The following PLXDC1 variants were observed in gnomAD, a reference collection of about 807,000 sequenced individuals.
PLXDC1 encodes the protein plexin domain containing 1, also known as plexin domain-containing protein 1.
Under a neutral mutation model 61.3 loss-of-function variants are expected in PLXDC1, and 39 were observed. The observed-to-expected ratio is 0.64, with a 90% CI of 0.49 to 0.83. PLXDC1 has a LOEUF of 0.83. PLXDC1 is among the 40% of genes least tolerant of loss of function. PLXDC1 has a pLI of 0.00. For synonymous variants in PLXDC1, 212 were observed against 254.5 expected, an observed-to-expected ratio of 0.83 and a Z score of 1.59; for missense variants, 596 against 666.5, an observed-to-expected ratio of 0.89 and a Z score of 1.17.
At chr17:39,150,328 A>G (rs532399988) in intron 1 of PLXDC1, among the ~76,000 whole-genome samples, 4 of 152,058 alleles carry the variant, frequency 2.6e-5, no homozygotes, top group Admixed American at 6.5e-5. Context: ...AGTCAAGAAC[A>G]TTGCCACTGA....
intron 3 of PLXDC1, 94 bp downstream of exon 3, chr17:39,109,154 C>T: frequency 1.3e-6 from 2 of 1,492,794 alleles, no homozygotes; most frequent in African/African-American, 1.4e-5. Flanking sequence ...AGGTCACAGA[C>T]CTCGGGCCAC....
chr17:39,085,981 A>G (rs1567756560), intron 8 of PLXDC1, among the ~76,000 whole-genome samples: 2 of 152,024 alleles, frequency 1.3e-5, no homozygotes, highest in African/African-American at 2.4e-5. Flanking sequence ...ACACCTACTG[A>G]CCTTTATTTC....
intron 2 of PLXDC1, among the ~76,000 whole-genome samples, chr17:39,136,220 T>C (rs1005383848): frequency 2.0e-5 from 3 of 152,108 alleles, no homozygotes; most frequent in Non-Finnish European, 2.9e-5. Flanking sequence ...AAGGGAGTGA[T>C]GCCATGTCCC....
At position 39,151,540 on chromosome 17, in the gene PLXDC1, AGG is replaced by A; in HGVS notation, c.-105_-104del. On this transcript the variant is annotated 5_prime_UTR_variant, in exon 1 of 14. Transcript: ENST00000315392. The surrounding 1 kb of genome is among the most constrained non-coding windows in gnomAD (Gnocchi z 5.2). Reference sequence around the variant, plus strand: ...GCCGCGCGGTCCCCGGGGCTGGCGGAGGGGCGGGCGGCGAGGAGACGGCGGAG... The same window carrying A: ...GCCGCGCGGTCCCCGGGGCTGGCGGAGGCGGGCGGCGAGGAGACGGCGGAG... 8.2e-7 allele frequency: 1 copy of A among 1,212,878 alleles called. No individual in the cohort carries two copies. Among genetic ancestry groups the A allele is most frequent in the Non-Finnish European group, 1.0e-6 (1 of 976,320 alleles). 75.1% of individuals were successfully genotyped at this position (1,212,878 alleles called of 1,614,324 possible).
At chr17:39,106,172 A>G (rs1328721021) in intron 6 of PLXDC1, among the ~76,000 whole-genome samples, 1 of 151,980 alleles carries the variant, frequency 6.6e-6, no homozygotes, top group African/African-American at 2.4e-5. Flanking sequence ...ATGGCACTCC[A>G]TGCAGGCCGG....
chr17:39,109,536 T>C, intron 2 of PLXDC1, 145 bp from the exon 3 acceptor site: 1 of 992,336 alleles, frequency 1.0e-6, no homozygotes, highest in Non-Finnish European at 1.5e-6. Flanking sequence ...AAGGGCTGAT[T>C]TAGGCCTAGG....
chr17:39,110,500 A>G (rs1490205966), intron 2 of PLXDC1, among the ~76,000 whole-genome samples: 2 of 152,236 alleles, frequency 1.3e-5, no homozygotes. Flanking sequence ...TAAGAGCCAG[A>G]GAGGGGCGAT....
intron 7 of PLXDC1, among the ~76,000 whole-genome samples, chr17:39,092,390 A>G (rs1233094683): frequency 6.6e-6 from 1 of 152,188 alleles, no homozygotes; most frequent in Non-Finnish European, 1.5e-5. Context: ...TTTACAATTT[A>G]CCAAGCCTAG....
chr17:39,124,156 C>G (rs1397841467), intron 2 of PLXDC1, among the ~76,000 whole-genome samples: 1 of 152,212 alleles, frequency 6.6e-6, no homozygotes, highest in East Asian at 1.9e-4. Context: ...TTGGGCCCAA[C>G]CCCAAGCCTG....
chr17:39,094,542 T>C (rs1033847731), intron 7 of PLXDC1, among the ~76,000 whole-genome samples: 1 of 151,724 alleles, frequency 6.6e-6, no homozygotes, highest in South Asian at 2.1e-4. Context: ...CAATGTCCAG[T>C]GTCCCCCATT....
intron 9 of PLXDC1, among the ~76,000 whole-genome samples, chr17:39,081,605 T>A (rs1365927489): frequency 6.9e-6 from 1 of 145,856 alleles, no homozygotes; most frequent in Non-Finnish European, 1.5e-5. Flanking sequence ...CCAGCCTGGG[T>A]GACAGAGCGA....
chr17:39,119,294 G>A (rs1361802507), intron 2 of PLXDC1, among the ~76,000 whole-genome samples: 1 of 152,140 alleles, frequency 6.6e-6, no homozygotes, highest in Non-Finnish European at 1.5e-5. Context: ...GTCCTTCACT[G>A]GTACAGACAG....
rs562650206 is a variant in PLXDC1, at chr17:39,074,647, G to A, written c.1187-2162C>T. On this transcript the variant is annotated intron_variant, in intron 11 of 13. Coordinates refer to ENST00000315392, the MANE Select transcript of PLXDC1 (RefSeq NM_020405.5). ...GATTTAGGCTTGGCCCCCAAGTGCT[G>A]TGCCCTGGGCTCCCCACGCCACCAC... Among the ~76,000 whole-genome samples, 3 of 152,284 alleles carry A rather than the reference G, an allele frequency of 2.0e-5. No homozygotes were observed. In the South Asian group the frequency reaches 6.2e-4, roughly 32 times the overall value.
chr17:39,070,208 C>T, intron 12 of PLXDC1, 192 bp from the exon 13 acceptor site: 1 of 481,930 alleles, frequency 2.1e-6, no homozygotes, highest in East Asian at 3.1e-5. Context: ...TTGACACCAT[C>T]TGGGTAGTTT....
intron 7 of PLXDC1, among the ~76,000 whole-genome samples, chr17:39,090,378 G>A (rs958713827): frequency 6.6e-6 from 1 of 152,296 alleles, no homozygotes; most frequent in Middle Eastern, 3.4e-3. Context: ...CCACTCCCAT[G>A]CCACTAGGAG....
chr17:39,108,338 G>T, intron 4 of PLXDC1, 93 bp from the exon 5 acceptor site: 1 of 1,378,600 alleles, frequency 7.3e-7, no homozygotes, highest in Non-Finnish European at 1.0e-6. Context: ...GGCAGCGCAG[G>T]CAGAGCTGGA....
At position 39,133,666 on chromosome 17, in the gene PLXDC1, T is replaced by A. The variant is rs180826197; in HGVS notation, c.255+5988A>T. ...CTGGGTCTTGCTCTGTCACCCAGGC[T>A]GGAGTGCTGTGGCGCGACCATGGCT... On this transcript the variant is annotated intron_variant, in intron 2 of 13. Coordinates refer to ENST00000315392, the MANE Select transcript of PLXDC1 (RefSeq NM_020405.5). Among the ~76,000 whole-genome samples the A allele has an allele frequency of 8.3e-4, 126 of 152,318 alleles. 1 individual carries two copies. The highest frequency in any genetic ancestry group is 2.3e-3 in the Admixed American group (35 of 15,298).
At chr17:39,103,531 T>TAAG in intron 7 of PLXDC1, among the ~76,000 whole-genome samples, 1 of 151,588 alleles carries the variant, frequency 6.6e-6, no homozygotes, top group Non-Finnish European at 1.5e-5. Context: ...ACCCTGTCTC[T>TAAG]AATAATAATA....
At chr17:39,078,441 T>G (rs1909428156) in intron 10 of PLXDC1, among the ~76,000 whole-genome samples, 1 of 152,130 alleles carries the variant, frequency 6.6e-6, no homozygotes, top group African/African-American at 2.4e-5. Flanking sequence ...GCCCCCAGCT[T>G]TTGGTTCAGG....
Sources: allele counts gnomAD v4.1 joint callset (sites outside exome capture counted in the v4.1 genomes callset), GRCh38; gene constraint gnomAD v4.1.1; non-coding constraint Gnocchi (gnomAD v3.1); transcripts MANE v1.5; gene names NCBI Gene and HGNC (gene_info 2026-07-23, HGNC 2026-07-21).